The following PDS5B variants were observed in gnomAD, a reference collection of about 807,000 sequenced individuals.
PDS5B encodes the protein PDS5 cohesin associated factor B.
Under a neutral mutation model 184.1 loss-of-function variants are expected in PDS5B, and 51 were observed. The ratio of observed to expected loss-of-function variants is 0.28; its 90% CI spans 0.22 to 0.35. The LOEUF is 0.35. PDS5B is among the 10% of genes least tolerant of loss of function. The pLI is 1.00. For synonymous variants in PDS5B, 566 were observed against 569.2 expected (o/e 0.99, Z 0.08); for missense variants, 1,180 against 1,723.3 (o/e 0.68, Z 5.58).
In PDS5B at chr13:32,742,794, A is replaced by G. The variant is rs1412020192; in HGVS notation, c.2612+67A>G. ...TTTCAGCTCTTGGTGTAACTGTTCA[A>G]TGGTGCTGTTTCTTTTTCTTTTTTT... is the stretch of plus-strand genomic sequence containing the variant. On this transcript the variant is annotated intron_variant, in intron 23 of 34. Transcript: ENST00000315596. 50 of 1,352,148 alleles carry G rather than the reference A, an allele frequency of 3.7e-5. 1 individual carries two copies. The highest frequency in any genetic ancestry group is 1.8e-4 in the Middle Eastern group (1 of 5,554). The allele number at this position is 1,352,148 out of a possible 1,614,324, so 83.8% of individuals were successfully genotyped here.
intron 19 of PDS5B, among the ~76,000 whole-genome samples, chr13:32,716,109 G>A (rs1391064206): frequency 1.3e-5 from 2 of 151,738 alleles, no homozygotes; most frequent in African/African-American, 2.4e-5. Flanking sequence ...GAGCGTCTCT[G>A]CCTGGCCGCC....
chr13:32,760,488 TTGAGAG>T (rs749297594), intron 29 of PDS5B, 81 bp from the exon 30 acceptor site: 26 of 1,251,430 alleles, frequency 2.1e-5, no homozygotes, highest in Admixed American at 6.3e-5. Flanking sequence ...AGTAAATACT[TTGAGAG>T]AGATGTTATT....
Position 32,775,347 on chromosome 13 carries a change from G to T in PDS5B, c.*295G>T. ...TTTTTTAATGTTTCTGATTTCTGAAGTGCTTGTATAGCTTTTATCTGCGGC... is the reference window on the plus strand; with the variant it reads ...TTTTTTAATGTTTCTGATTTCTGAATTGCTTGTATAGCTTTTATCTGCGGC... On this transcript the variant is annotated 3_prime_UTR_variant, in exon 35 of 35. Coordinates refer to ENST00000315596, the MANE Select transcript of PDS5B (RefSeq NM_015032.4). 1 of 381,218 alleles carries T rather than the reference G, an allele frequency of 2.6e-6. No homozygotes were observed. Among genetic ancestry groups the T allele is most frequent in the African/African-American group, 2.1e-5 (1 of 48,500 alleles). The allele number at this position is 381,218 out of a possible 1,614,324, so 23.6% of individuals were successfully genotyped here.
chr13:32,627,045 T>C (rs751800328), intron 1 of PDS5B, among the ~76,000 whole-genome samples: 3 of 152,164 alleles, frequency 2.0e-5, no homozygotes, highest in Non-Finnish European at 2.9e-5. Flanking sequence ...TCCCAAAACC[T>C]AGCTTCTCAA....
At chr13:32,727,926 G>T (rs1952967343) in intron 19 of PDS5B, among the ~76,000 whole-genome samples, 3 of 150,652 alleles carry the variant, frequency 2.0e-5, no homozygotes, top group Admixed American at 1.3e-4. Context: ...AAGTATTTTT[G>T]ACTACTTGAT....
chr13:32,753,606 GAT>G, intron 25 of PDS5B, 70 bp downstream of exon 25: 1 of 913,668 alleles, frequency 1.1e-6, no homozygotes, highest in Non-Finnish European at 1.6e-6. Context: ...AATATAGCAT[GAT>G]ATATGATATT....
chr13:32,754,132 T>C (rs1237060565), intron 25 of PDS5B, among the ~76,000 whole-genome samples: 2 of 152,314 alleles, frequency 1.3e-5, no homozygotes, highest in East Asian at 3.9e-4. Context: ...TCTACTCTCC[T>C]ACCTTGCTAT....
At position 32,758,400 on chromosome 13, in the gene PDS5B, T is replaced by C. The variant is rs1471945546; in HGVS notation, c.3190-134T>C. On this transcript the variant is annotated intron_variant, in intron 27 of 34. Coordinates refer to ENST00000315596, the MANE Select transcript of PDS5B (RefSeq NM_015032.4). ...AATGAGCAAAACCAGTAGTGTAAGC[T>C]AAGATGCTTACACAGACTGTTGCTT... is the stretch of plus-strand genomic sequence containing the variant. The C allele has an allele frequency of 3.1e-6, 3 of 971,840 alleles. No homozygotes were observed. The African/African-American group carries it at 4.9e-5, about 16-fold the overall frequency. 60.2% of individuals were successfully genotyped at this position (971,840 alleles called of 1,614,324 possible).
At chr13:32,587,072 G>A (rs1361783214) in intron 1 of PDS5B, among the ~76,000 whole-genome samples, 1 of 147,056 alleles carries the variant, frequency 6.8e-6, no homozygotes, top group Non-Finnish European at 1.5e-5. Flanking sequence ...GCAGGCGGGC[G>A]GCGCGGTGCT....
At chr13:32,724,397 A>T (rs1038099562) in intron 19 of PDS5B, among the ~76,000 whole-genome samples, 2 of 152,154 alleles carry the variant, frequency 1.3e-5, no homozygotes, top group African/African-American at 4.8e-5. Flanking sequence ...TTCAGGATGC[A>T]AGTAAGATTT....
chr13:32,734,010 A>G (rs965820197), intron 20 of PDS5B, among the ~76,000 whole-genome samples: 5 of 151,356 alleles, frequency 3.3e-5, no homozygotes, highest in East Asian at 1.9e-4. Context: ...ACACACACAC[A>G]CACAAACATA....
rs146948113 is a variant in PDS5B, at chr13:32,675,398, G to A, written c.847-446G>A. Among the ~76,000 whole-genome samples the A allele has an allele frequency of 7.9e-5, 12 of 151,934 alleles. No individual in the cohort carries two copies. In the East Asian group the frequency reaches 2.3e-3, roughly 30 times the overall value. ...AGATGAAGTGTCTTACTGGGAGACT[G>A]TAGCACATACTAATAGAGCTAAAAA... On this transcript the variant is annotated intron_variant, in intron 8 of 34. Transcript: ENST00000315596.
At chr13:32,762,696 G>A (rs1954450213) in intron 30 of PDS5B, among the ~76,000 whole-genome samples, 1 of 151,918 alleles carries the variant, frequency 6.6e-6, no homozygotes, top group South Asian at 2.1e-4. Flanking sequence ...TTTTTCAGTT[G>A]CTAAGTTTTG....
intron 19 of PDS5B, among the ~76,000 whole-genome samples, chr13:32,718,918 G>A (rs1379739657): frequency 6.6e-6 from 1 of 152,152 alleles, no homozygotes; most frequent in Non-Finnish European, 1.5e-5. Flanking sequence ...AAATACATTG[G>A]TCAGGAAAAG....
intron 1 of PDS5B, among the ~76,000 whole-genome samples, chr13:32,602,229 C>G (rs990044564): frequency 6.6e-6 from 1 of 152,076 alleles, no homozygotes; most frequent in African/African-American, 2.4e-5. Context: ...TCTCCTAATG[C>G]TATCCCTCTC....
chr13:32,770,100 G>A lies in PDS5B; in HGVS notation c.3625-21G>A, dbSNP rs778345564. On this transcript the variant is annotated intron_variant, in intron 31 of 34. Transcript: ENST00000315596. ...ACTCACAATTTCATAACCATAAATT[G>A]TGATTTTTTTTTTCCCCTAGTCTGA... 2.0e-5 allele frequency: 31 copies of A among 1,541,360 alleles called. No homozygotes were observed. In the African/African-American group the frequency reaches 3.2e-4, roughly 16 times the overall value.
intron 1 of PDS5B, among the ~76,000 whole-genome samples, chr13:32,629,185 T>C (rs1448254656): frequency 6.6e-6 from 1 of 152,226 alleles, no homozygotes; most frequent in Non-Finnish European, 1.5e-5. Flanking sequence ...TTGCACATTG[T>C]TATAATGTTT....
At chr13:32,704,465 C>T (rs949417948) in intron 17 of PDS5B, among the ~76,000 whole-genome samples, 16 of 152,164 alleles carry the variant, frequency 1.1e-4, no homozygotes, top group Admixed American at 2.0e-4. Flanking sequence ...CACTGTGCCC[C>T]GGCCTTGACC....
chr13:32,727,902 G>C (rs567751094), intron 19 of PDS5B, among the ~76,000 whole-genome samples: 217 of 151,032 alleles, frequency 1.4e-3, no homozygotes, highest in Non-Finnish European at 2.1e-3. Context: ...GTTGTTTTCT[G>C]GGGCTCCAAT....
Sources: gnomAD v4.1 joint callset for allele counts (sites outside exome capture counted in the v4.1 genomes callset) on GRCh38, gnomAD v4.1.1 for gene constraint, MANE v1.5 for transcripts, NCBI Gene and HGNC (gene_info 2026-07-23, HGNC 2026-07-21) for gene names.